The following PCDHGA4 variants were observed in gnomAD, a reference collection of about 807,000 sequenced individuals.
PCDHGA4 encodes the protein protocadherin gamma subfamily A, 4.
In PCDHGA4, 38 loss-of-function variants were observed where a neutral mutation model predicts 54.6. The observed-to-expected ratio is 0.70, with a 90% CI of 0.54 to 0.91. PCDHGA4 has a LOEUF of 0.91. Among genes scored for constraint, PCDHGA4 ranks in the 40% least tolerant of loss-of-function variants. PCDHGA4 has a pLI of 0.00. For missense variants in PCDHGA4, 1,298 were observed against 1,220.9 expected (o/e 1.06, Z -0.94); for synonymous variants, 511 against 512.9 (o/e 1.00, Z 0.05).
intron 1 of PCDHGA4, chr5:141,408,778 A>G (rs1261786266): frequency 6.2e-7 from 1 of 1,612,198 alleles, no homozygotes; most frequent in Non-Finnish European, 8.5e-7. Flanking sequence ...GCAAATACCC[A>G]GAGTTATCTC....
rs777115265 is a variant in PCDHGA4, at chr5:141,485,247, G to C, written c.2515-9560G>C. ...CTTTTGTTCCTCTTTTACCACCTGG[G>C]TTACGTTTGTGGGCAGATCCGCTAC... On this transcript the variant is annotated intron_variant, in intron 1 of 3. Coordinates refer to ENST00000571252, the MANE Select transcript of PCDHGA4 (RefSeq NM_018917.4). This position sits in a 1 kb window ranked among gnomAD's most constrained non-coding sequence, Gnocchi z 5.7. 8.7e-6 allele frequency: 14 copies of C among 1,614,156 alleles called. No homozygotes were observed. In the African/African-American group the frequency reaches 1.6e-4, roughly 18 times the overall value.
intron 1 of PCDHGA4, chr5:141,371,904 T>A (rs1375493299): frequency 6.2e-7 from 1 of 1,613,398 alleles, no homozygotes. Context: ...GCTGTCGTCC[T>A]ACGTGTCCGT....
intron 1 of PCDHGA4, chr5:141,422,633 G>A (rs769515606): frequency 1.9e-6 from 3 of 1,613,120 alleles, no homozygotes; most frequent in Non-Finnish European, 2.5e-6. Flanking sequence ...AACCCCAGGG[G>A]TGCCTCCATC....
intron 1 of PCDHGA4, chr5:141,389,148 G>A (rs749167212): frequency 6.2e-7 from 1 of 1,613,996 alleles, no homozygotes. Context: ...AACCGTTACG[G>A]CAACAGATCG....
At chr5:141,483,917 T>A (rs565465724) in intron 1 of PCDHGA4, among the ~76,000 whole-genome samples, 2 of 151,262 alleles carry the variant, frequency 1.3e-5, no homozygotes, top group South Asian at 4.2e-4. Context: ...CCCACTCAGA[T>A]TGCAGGTCGT....
intron 2 of PCDHGA4, among the ~76,000 whole-genome samples, chr5:141,500,216 ATTT>A (rs979396489): frequency 3.1e-4 from 46 of 149,244 alleles, no homozygotes; most frequent in Non-Finnish European, 6.7e-4. Context: ...TTATTTATTT[ATTT>A]ATTTATTGAT....
chr5:141,383,911 T>C, intron 1 of PCDHGA4: 1 of 1,613,926 alleles, frequency 6.2e-7, no homozygotes, highest in Non-Finnish European at 8.5e-7. Context: ...GATCACAGTT[T>C]TAGATGTAAA....
At chr5:141,417,787 T>C in intron 1 of PCDHGA4, 1 of 1,477,124 alleles carries the variant, frequency 6.8e-7, no homozygotes, top group Non-Finnish European at 9.0e-7. Flanking sequence ...CTGGGCCGAA[T>C]GCTCTTTTAG....
intron 1 of PCDHGA4, chr5:141,371,077 T>G (rs1169560992): frequency 8.1e-6 from 13 of 1,613,784 alleles, no homozygotes; most frequent in Admixed American, 1.7e-5. Context: ...ACCACCCAGA[T>G]CAGGGTAATT....
Position 141,489,992 on chromosome 5 carries a change from TC to T in PCDHGA4, c.2515-4812del. The T allele has an allele frequency of 6.2e-7, 1 of 1,614,216 alleles. No individual in the cohort carries two copies. The highest frequency in any genetic ancestry group is 8.5e-7 in the Non-Finnish European group (1 of 1,180,016). On this transcript the variant is annotated intron_variant, in intron 1 of 3. Coordinates refer to ENST00000571252, the MANE Select transcript of PCDHGA4 (RefSeq NM_018917.4). The surrounding 1 kb of genome is among the most constrained non-coding windows in gnomAD (Gnocchi z 4.5). The stretch of plus-strand genomic sequence containing the variant: ...CAATCCTCAGTTCTACGTGTGGGAA[TC>T]CCAGAGAATGCACCCATTGGTACTC...
Position 141,361,471 on chromosome 5 carries a change from A to G in PCDHGA4, c.2514+3850A>G, listed in dbSNP as rs748732304. The G allele has an allele frequency of 3.1e-6, 5 of 1,613,870 alleles. No individual in the cohort carries two copies. The South Asian group carries it at 3.3e-5, about 11-fold the overall frequency. On this transcript the variant is annotated intron_variant, in intron 1 of 3. Transcript: ENST00000571252. ...TGTCACCCTGCACATCTCCGACGTC[A>G]ACGATAATGCCCCAGTTTTCCAACA...
At chr5:141,452,046 T>C (rs767493861) in intron 1 of PCDHGA4, among the ~76,000 whole-genome samples, 1 of 152,242 alleles carries the variant, frequency 6.6e-6, no homozygotes, top group Non-Finnish European at 1.5e-5. Context: ...TAACTCCATT[T>C]GTAATAACTT....
intron 1 of PCDHGA4, chr5:141,389,423 C>A (rs779826135): frequency 1.9e-6 from 3 of 1,613,398 alleles, no homozygotes; most frequent in Non-Finnish European, 8.5e-7. Context: ...GGGTGGTGTT[C>A]GCGCAGCGCG....
intron 1 of PCDHGA4, among the ~76,000 whole-genome samples, chr5:141,474,000 C>T (rs2099336161): frequency 6.6e-6 from 1 of 152,076 alleles, no homozygotes. Context: ...GCCCAAGGAG[C>T]TGGAAGTTAC....
At chr5:141,405,372 T>C in intron 1 of PCDHGA4, 1 of 1,601,630 alleles carries the variant, frequency 6.2e-7, no homozygotes, top group East Asian at 2.2e-5. Flanking sequence ...ACCCCTTTGG[T>C]TCCGGTGAGT....
intron 1 of PCDHGA4, chr5:141,418,730 G>A (rs371887408): frequency 6.2e-6 from 10 of 1,613,832 alleles, no homozygotes; most frequent in African/African-American, 1.3e-5. Context: ...AGCTCAGCAC[G>A]TGTTCTCTCT....
At chr5:141,390,407 G>A in intron 1 of PCDHGA4, 1 of 1,265,446 alleles carries the variant, frequency 7.9e-7, no homozygotes, top group Non-Finnish European at 1.1e-6. Flanking sequence ...TAGGAAAGTT[G>A]TAGTCAGTTA....
intron 2 of PCDHGA4, among the ~76,000 whole-genome samples, chr5:141,496,406 G>C (rs1485949584): frequency 6.6e-6 from 1 of 152,160 alleles, no homozygotes; most frequent in African/African-American, 2.4e-5. Flanking sequence ...CTCAATGGTT[G>C]AGTACTTGCT....
At chr5:141,422,576 C>T in intron 1 of PCDHGA4, 1 of 1,614,034 alleles carries the variant, frequency 6.2e-7, no homozygotes, top group South Asian at 1.1e-5. Context: ...AACGATAACC[C>T]TCCCGTTTTT....
Sources: allele counts gnomAD v4.1 joint callset (sites outside exome capture counted in the v4.1 genomes callset), GRCh38; gene constraint gnomAD v4.1.1; non-coding constraint Gnocchi (gnomAD v3.1); transcripts MANE v1.5; gene names NCBI Gene and HGNC (gene_info 2026-07-23, HGNC 2026-07-21).